The following KIF1A variants were observed in gnomAD, a reference collection of about 807,000 sequenced individuals.
KIF1A encodes kinesin family member 1A.
A neutral mutation model predicts 227.3 loss-of-function variants in KIF1A; 46 were observed. The ratio of observed to expected loss-of-function variants is 0.20; its 90% CI spans 0.16 to 0.26. The LOEUF (loss-of-function observed/expected upper bound fraction) is 0.26. KIF1A is among the 10% of genes least tolerant of loss of function. The pLI is 1.00. For missense variants in KIF1A, 1,683 were observed against 2,485.9 expected (o/e 0.68, Z 6.87); for synonymous variants, 1,022 against 1,012.8 (o/e 1.01, Z -0.17).
chr2:240,807,799 A>C (rs934618742), intron 1 of KIF1A, among the ~76,000 whole-genome samples: 1 of 152,258 alleles, frequency 6.6e-6, no homozygotes, highest in African/African-American at 2.4e-5. Context: ...AAAATACAGT[A>C]ACAAATAAAA....
chr2:240,750,609 G>A (rs1394349407), intron 27 of KIF1A, 62 bp from the exon 28 acceptor site: 22 of 1,231,034 alleles, frequency 1.8e-5, no homozygotes, highest in East Asian at 9.5e-5. Flanking sequence ...GAACGGCAGC[G>A]GTGGCAGCAT....
In KIF1A at chr2:240,752,235, C is replaced by T. The variant is rs539725633; in HGVS notation, c.2859-1688G>A. 3.3e-5 allele frequency among the ~76,000 whole-genome samples: 5 copies of T among 151,982 alleles called. No individual in the cohort carries two copies. The highest frequency in any genetic ancestry group is 3.2e-3 in the Middle Eastern group (1 of 316). On this transcript the variant is annotated intron_variant, in intron 27 of 48. Transcript: ENST00000498729. The surrounding 1 kb of genome is among the most constrained non-coding windows in gnomAD (Gnocchi z 6.4). ...GACTTGTTACCCACAGGGCTGCAGG[C>T]GGCTCTGCCTGACTTAGGTGTGGGG...
At chr2:240,724,977 C>T (rs1177135257) in intron 40 of KIF1A, 2 of 219,002 alleles carry the variant, frequency 9.1e-6, no homozygotes, top group South Asian at 7.5e-5. Context: ...GGATCACCCA[C>T]AGGAGGCCCC....
At chr2:240,812,690 G>A (rs1399689952) in intron 1 of KIF1A, among the ~76,000 whole-genome samples, 5 of 149,058 alleles carry the variant, frequency 3.4e-5, no homozygotes, top group African/African-American at 4.9e-5. Context: ...CCTTCACCTC[G>A]AGATCCACCT....
At chr2:240,754,496 G>A (rs1042425497) in intron 27 of KIF1A, among the ~76,000 whole-genome samples, 4 of 152,240 alleles carry the variant, frequency 2.6e-5, no homozygotes, top group African/African-American at 9.6e-5. Context: ...CCCGGAAGGT[G>A]CCCCTCCACT....
chr2:240,804,686 A>G (rs1047003817), intron 1 of KIF1A, among the ~76,000 whole-genome samples: 12 of 152,322 alleles, frequency 7.9e-5, no homozygotes, highest in Admixed American at 5.9e-4. Context: ...GCCCAGCTCT[A>G]GGTGGTGAAA....
rs55815321 is a variant in KIF1A, at chr2:240,766,749, T to TCACACA, written c.1684+160_1684+165dup. On this transcript the variant is annotated intron_variant, in intron 19 of 48. Transcript: ENST00000498729. This position sits in a 1 kb window ranked among gnomAD's most constrained non-coding sequence, Gnocchi z 5.0. The stretch of plus-strand genomic sequence containing the variant: ...CTCTCTCTCTCTCTCTCTCTCTCTC[T>TCACACA]CACACACACACACACACACACACAC... 2.7e-3 allele frequency among the ~76,000 whole-genome samples: 291 copies of TCACACA among 109,016 alleles called. 1 individual carries two copies. The highest frequency in any genetic ancestry group is 4.9e-3 in the Admixed American group (53 of 10,910). The allele number at this position is 109,016 out of a possible 152,430, so 71.5% of individuals were successfully genotyped here.
At chr2:240,755,822 G>A (rs1242053831) in intron 27 of KIF1A, among the ~76,000 whole-genome samples, 1 of 152,172 alleles carries the variant, frequency 6.6e-6, no homozygotes, top group African/African-American at 2.4e-5. Context: ...CTGACACCCG[G>A]AGCCACTCCT....
At chr2:240,743,819 T>G (rs997410307) in intron 33 of KIF1A, 123 bp downstream of exon 33, 1 of 643,990 alleles carries the variant, frequency 1.6e-6, no homozygotes, top group African/African-American at 1.8e-5. Context: ...GCCTCCTGGA[T>G]GGGCAGGGGA....
chr2:240,760,632 C>G (rs2050392538), intron 25 of KIF1A, 33 bp downstream of exon 25: 1 of 1,430,094 alleles, frequency 7.0e-7, no homozygotes, highest in Non-Finnish European at 9.2e-7. Flanking sequence ...GGAGGACCCT[C>G]CCACCATCCA....
At position 240,783,128 on chromosome 2, in the gene KIF1A, G is replaced by C. The variant is rs1361114116; in HGVS notation, c.799-19C>G. 1 of 1,608,416 alleles carries C rather than the reference G, an allele frequency of 6.2e-7. No individual in the cohort carries two copies. Among genetic ancestry groups the C allele is most frequent in the African/African-American group, 1.3e-5 (1 of 74,826 alleles). On this transcript the variant is annotated intron_variant, in intron 8 of 48. Coordinates refer to ENST00000498729, the MANE Select transcript of KIF1A (RefSeq NM_001244008.2). ...CCCCCTCCTGCGGGCAGAAAAGACA[G>C]TGGGGTTGGGATGCTGGGGACCCGT...
At chr2:240,754,975 C>G (rs1397464814) in intron 27 of KIF1A, among the ~76,000 whole-genome samples, 3 of 152,196 alleles carry the variant, frequency 2.0e-5, no homozygotes, top group Non-Finnish European at 4.4e-5. Context: ...CAGCCCTGCT[C>G]CCCTCCCAGG....
chr2:240,784,626 G>A (rs890028705), intron 7 of KIF1A, among the ~76,000 whole-genome samples: 1 of 152,212 alleles, frequency 6.6e-6, no homozygotes, highest in Non-Finnish European at 1.5e-5. Context: ...GGTGGCTGAG[G>A]TGCCCCTGGG....
rs567742601 is a variant in KIF1A, at chr2:240,787,888, G to T, written c.363+163C>A. 4.7e-4 allele frequency among the ~76,000 whole-genome samples: 71 copies of T among 152,174 alleles called. 1 individual carries two copies. Among genetic ancestry groups the T allele is most frequent in the African/African-American group, 1.6e-3 (68 of 41,526 alleles). ...GGTCTGCAGCTTCACAGCCACATCT[G>T]GCTCTCACCTGCCCCAGCCCCACTC... On this transcript the variant is annotated intron_variant, in intron 4 of 48. Coordinates refer to ENST00000498729, the MANE Select transcript of KIF1A (RefSeq NM_001244008.2).
At position 240,725,664 on chromosome 2, in the gene KIF1A, G is replaced by A; in HGVS notation, c.4123-260C>T. On this transcript the variant is annotated intron_variant, in intron 39 of 48. Transcript: ENST00000498729. The surrounding 1 kb of genome is among the most constrained non-coding windows in gnomAD (Gnocchi z 5.8). Reference sequence around the variant, plus strand: ...TGGTCTCCATGTGTGGGGACCCCGAGGGTCCCAGACATAGGCTCACTGCTC... The same window carrying A: ...TGGTCTCCATGTGTGGGGACCCCGAAGGTCCCAGACATAGGCTCACTGCTC... 1 of 471,604 alleles carries A rather than the reference G, an allele frequency of 2.1e-6. No homozygotes were observed. Among genetic ancestry groups the A allele is most frequent in the Non-Finnish European group, 3.8e-6 (1 of 265,238 alleles). The allele number at this position is 471,604 out of a possible 1,614,324, so 29.2% of individuals were successfully genotyped here.
chr2:240,795,077 G>A (rs1033531815), intron 2 of KIF1A, among the ~76,000 whole-genome samples: 17 of 152,154 alleles, frequency 1.1e-4, no homozygotes, highest in African/African-American at 3.9e-4. Context: ...CCGGAAGATC[G>A]GCATCTCAGA....
intron 37 of KIF1A, chr2:240,737,396 AGTGAACACCCCC>A (rs2047465667): frequency 2.1e-6 from 1 of 471,360 alleles, no homozygotes; most frequent in African/African-American, 1.9e-5. Context: ...TCTCGGCCAC[AGTGAACACCCCC>A]GTATACACAC....
intron 1 of KIF1A, among the ~76,000 whole-genome samples, chr2:240,813,946 G>A (rs1169119775): frequency 6.6e-6 from 1 of 152,154 alleles, no homozygotes; most frequent in African/African-American, 2.4e-5. Context: ...CAAAACAAGG[G>A]CAGAATGCTA....
Position 240,766,870 on chromosome 2 carries a change from G to A in KIF1A, c.1684+45C>T, listed in dbSNP as rs558143468. On this transcript the variant is annotated intron_variant, in intron 19 of 48. Transcript: ENST00000498729. This position sits in a 1 kb window ranked among gnomAD's most constrained non-coding sequence, Gnocchi z 5.0. ...GACCTCATTCAGGCCTGATCATCAC[G>A]GCACAGGGGCATGGGTGCGGGTAGG... 7.3e-6 allele frequency: 10 copies of A among 1,379,202 alleles called. No homozygotes were observed. Among genetic ancestry groups the A allele is most frequent in the South Asian group, 5.0e-5 (4 of 80,640 alleles). The allele number at this position is 1,379,202 out of a possible 1,614,324, so 85.4% of individuals were successfully genotyped here.
Sources: allele counts gnomAD v4.1 joint callset (sites outside exome capture counted in the v4.1 genomes callset), GRCh38; gene constraint gnomAD v4.1.1; non-coding constraint Gnocchi (gnomAD v3.1); transcripts MANE v1.5; gene names NCBI Gene and HGNC (gene_info 2026-07-23, HGNC 2026-07-21).